RIF1: variants seen among roughly 807,000 people sequenced by gnomAD.
RIF1 encodes replication timing regulatory factor 1.
Under a neutral mutation model 247.1 loss-of-function variants are expected in RIF1, and 45 were observed. The ratio of observed to expected loss-of-function variants is 0.18; its 90% CI spans 0.14 to 0.23. The LOEUF (loss-of-function observed/expected upper bound fraction) is 0.23. Among genes scored for constraint, RIF1 ranks in the 10% least tolerant of loss-of-function variants. The pLI is 1.00. For synonymous variants in RIF1, 1,087 were observed against 978.8 expected (o/e 1.11, Z -2.06); for missense variants, 2,967 against 2,862.5 (o/e 1.04, Z -0.83).
At chr2:151,525,895 T>A in the RIF1 span, 1 of 1,281,088 alleles carries the variant, frequency 7.8e-7, no homozygotes, top group Non-Finnish European at 1.1e-6. Context: ...CTGACATTAT[T>A]TCACCAGATT....
At chr2:151,506,377 C>G (rs1357628312) in intron 13 of RIF1, 1 of 747,426 alleles carries the variant, frequency 1.3e-6, no homozygotes. Flanking sequence ...TGTTCCCAGG[C>G]AAGTGCCAGA....
chr2:151,416,299 T>G (rs771153292), intron 4 of RIF1, among the ~76,000 whole-genome samples: 24 of 152,200 alleles, frequency 1.6e-4, no homozygotes, highest in Non-Finnish European at 3.2e-4. Flanking sequence ...TGTTCAAACC[T>G]ACAGTGATAT....
chr2:151,493,695 C>T, intron 9 of RIF1: 1 of 1,172,962 alleles, frequency 8.5e-7, no homozygotes, highest in Non-Finnish European at 1.2e-6. Context: ...TTTGGAAAAA[C>T]TGTAAGATAA....
intron 21 of RIF1, among the ~76,000 whole-genome samples, chr2:151,451,939 T>G (rs1694383126): frequency 6.6e-6 from 1 of 152,200 alleles, no homozygotes; most frequent in Admixed American, 6.6e-5. Flanking sequence ...TCTTTACTCC[T>G]TTTTACAACG....
chr2:151,507,946 A>T, exon 14 of RIF1: 1 of 1,236,774 alleles, frequency 8.1e-7, no homozygotes, highest in Non-Finnish European at 1.2e-6. Flanking sequence ...ATCCAGAGGC[A>T]TCTTCCTCAG....
rs2048981309 is a variant in RIF1, at chr2:151,477,407, G to A, written c.*2336G>A. ...GAAAAAACTAGTGGCATACAGGATTGTCATGTAGTATCTTTTTTTTTTTTT... is the reference window on the plus strand; with the variant it reads ...GAAAAAACTAGTGGCATACAGGATTATCATGTAGTATCTTTTTTTTTTTTT... On this transcript the variant is annotated 3_prime_UTR_variant, in exon 36 of 36. Transcript: ENST00000444746. The A allele has an allele frequency of 6.6e-6, 1 of 151,660 alleles. No homozygotes were observed. Among genetic ancestry groups the A allele is most frequent in the African/African-American group, 2.4e-5 (1 of 41,336 alleles). The allele number at this position is 151,660 out of a possible 1,614,324, so 9.4% of individuals were successfully genotyped here. A position where few individuals can be genotyped will look rare whatever the true frequency, so the allele number is the denominator to read the frequency against.
rs1325143125 is a variant in RIF1, at chr2:151,416,999, G to A, written c.503+98G>A. On this transcript the variant is annotated intron_variant, in intron 6 of 35. Coordinates refer to ENST00000444746, the MANE Select transcript of RIF1 (RefSeq NM_018151.5). ...TTTAAATGAGAGACAGACATTAAAA[G>A]GGGGGAATGTCATTTACACCAAACG... 8.4e-6 allele frequency: 7 copies of A among 835,466 alleles called. No individual in the cohort carries two copies. In the East Asian group the frequency reaches 1.8e-4, roughly 22 times the overall value. The allele number at this position is 835,466 out of a possible 1,614,324, so 51.8% of individuals were successfully genotyped here.
At chr2:151,491,620 G>T in intron 9 of RIF1, 1 of 1,327,538 alleles carries the variant, frequency 7.5e-7, no homozygotes, top group Non-Finnish European at 1.1e-6. Context: ...CCAAATGAAA[G>T]TCATTGACTC....
chr2:151,432,892 T>C (rs1045723478), intron 9 of RIF1, among the ~76,000 whole-genome samples, 185 bp from the exon 10 acceptor site: 1 of 152,234 alleles, frequency 6.6e-6, no homozygotes, highest in African/African-American at 2.4e-5. Context: ...TGTTTTTGGT[T>C]CAGCTGTACT....
Position 151,420,361 on chromosome 2 carries a change from G to T in RIF1, c.675G>T (p.Thr225=). 1.2e-6 allele frequency: 2 copies of T among 1,614,034 alleles called. No individual in the cohort carries two copies. The highest frequency in any genetic ancestry group is 2.7e-5 in the African/African-American group (2 of 75,040). The stretch of plus-strand genomic sequence containing the variant: ...AACAGCAAGAAATAGCATCTATTAC[G>T]GAGCAGCTTATGACTACTGTGAGTG... ...LQKQQEIASI[T]EQLMTTKLIS... The change falls in exon 7 of 36, where the codon ACG becomes ACT. Residue 225 remains threonine (T), a synonymous_variant. Transcript: ENST00000444746.
chr2:151,524,066 T>A, the RIF1 span, among the ~76,000 whole-genome samples: 2 of 152,074 alleles, frequency 1.3e-5, no homozygotes, highest in Non-Finnish European at 2.9e-5. Flanking sequence ...CACATAAAGA[T>A]AGTTAAGCAC....
chr2:151,433,017 G>T, intron 9 of RIF1, 60 bp from the exon 10 acceptor site: 4 of 1,304,792 alleles, frequency 3.1e-6, no homozygotes, highest in Non-Finnish European at 4.3e-6. Flanking sequence ...TGCATAGCTA[G>T]TGTTAGAGTT....
intron 6 of RIF1, 127 bp downstream of exon 6, chr2:151,417,028 C>A: frequency 1.5e-6 from 1 of 657,884 alleles, no homozygotes; most frequent in South Asian, 2.1e-5. Context: ...CCAAACGACT[C>A]AAGGACAAAA....
rs1036307961 is a variant in RIF1, at chr2:151,477,414, A to C, written c.*2343A>C. On this transcript the variant is annotated 3_prime_UTR_variant, in exon 36 of 36. Transcript: ENST00000444746. ...CTAGTGGCATACAGGATTGTCATGT[A>C]GTATCTTTTTTTTTTTTTGAGACAC... is the stretch of plus-strand genomic sequence containing the variant. The C allele has an allele frequency of 1.3e-5, 2 of 151,894 alleles. No individual in the cohort carries two copies. Among genetic ancestry groups the C allele is most frequent in the African/African-American group, 4.8e-5 (2 of 41,384 alleles). 9.4% of individuals were successfully genotyped at this position (151,894 alleles called of 1,614,324 possible).
At chr2:151,496,868 A>G (rs1162690840) in intron 10 of RIF1, 1 of 1,418,990 alleles carries the variant, frequency 7.0e-7, no homozygotes, top group African/African-American at 1.4e-5. Flanking sequence ...AATAGGATTA[A>G]TATGTATTAT....
chr2:151,490,472 T>G lies in RIF1; in HGVS notation c.*416-4757T>G, dbSNP rs779234504. On this transcript the variant is annotated intron_variant and NMD_transcript_variant, in intron 9 of 13. Transcript: ENST00000454583. The stretch of plus-strand genomic sequence containing the variant: ...TCTCCTCACCCCCACTGATGCTTAG[T>G]GCACTGGCAGATCGTGACTGCTCCC... The G allele has an allele frequency of 6.2e-7, 1 of 1,609,100 alleles. No individual in the cohort carries two copies. Among genetic ancestry groups the G allele is most frequent in the Non-Finnish European group, 8.5e-7 (1 of 1,177,824 alleles).
At chr2:151,497,436 T>TTAAC (rs1219084858) in intron 10 of RIF1, 13 of 980,152 alleles carry the variant, frequency 1.3e-5, no homozygotes, top group South Asian at 4.7e-5. Flanking sequence ...AAAATTGAAA[T>TTAAC]TAACTGTATT....
Position 151,499,373 on chromosome 2 carries a change from G to A in RIF1, c.*542G>A, listed in dbSNP as rs554603516. ...TGGGGATTGGAATCCCTTTTCCAACGTTTTCTTTATACAACACCTGTATGA... is the reference window on the plus strand; with the variant it reads ...TGGGGATTGGAATCCCTTTTCCAACATTTTCTTTATACAACACCTGTATGA... On this transcript the variant is annotated 3_prime_UTR_variant and NMD_transcript_variant, in exon 11 of 14. Transcript: ENST00000454583. The A allele has an allele frequency of 1.4e-5, 22 of 1,541,100 alleles. No homozygotes were observed. Among genetic ancestry groups the A allele is most frequent in the African/African-American group, 9.6e-5 (7 of 72,806 alleles).
downstream of RIF1, chr2:151,485,688 T>G: frequency 7.1e-7 from 1 of 1,416,528 alleles, no homozygotes. Context: ...TAGGTAACAG[T>G]GGAGAGTCTA....
Sources: gnomAD v4.1 joint callset for allele counts (sites outside exome capture counted in the v4.1 genomes callset) on GRCh38, gnomAD v4.1.1 for gene constraint, MANE v1.5 for transcripts, NCBI Gene and HGNC (gene_info 2026-07-23, HGNC 2026-07-21) for gene names.